NDST3: variants seen among roughly 807,000 people sequenced by gnomAD.
The protein encoded by NDST3 is N-deacetylase and N-sulfotransferase 3, also known as bifunctional heparan sulfate N-deacetylase/N-sulfotransferase 3.
NDST3 carries 58 observed loss-of-function variants against 96.1 expected under a neutral mutation model. The observed-to-expected ratio is 0.60, with a 90% CI of 0.49 to 0.75. The LOEUF is 0.75. Among genes scored for constraint, NDST3 ranks in the 30% least tolerant of loss-of-function variants. NDST3 has a pLI of 0.00. For synonymous variants in NDST3, 333 were observed against 359.7 expected, an observed-to-expected ratio of 0.93 and a Z score of 0.84; for missense variants, 788 against 1,034.2, an observed-to-expected ratio of 0.76 and a Z score of 3.27.
rs1276427551 is a variant in NDST3, at chr4:118,091,610, T to TA, written c.982-13407dup. Among the ~76,000 whole-genome samples, 7 of 151,830 alleles carry TA rather than the reference T, an allele frequency of 4.6e-5. No homozygotes were observed. The East Asian group carries it at 1.2e-3, about 25-fold the overall frequency. ...CTCTGACCCCAAGCAGAGGATTCTC[T>TA]ACTCAGGTTCTGGTGGCCAAACCTC... is the stretch of plus-strand genomic sequence containing the variant. On this transcript the variant is annotated intron_variant, in intron 2 of 13. Coordinates refer to ENST00000296499, the MANE Select transcript of NDST3 (RefSeq NM_004784.3).
rs369890336 is a variant in NDST3 at position 118,236,768 on chromosome 4, T to C, written c.1944-278T>C. ...TTTGATATAGTTAGGTCGATCACTG[T>C]TGCAGTTTGATCACTCTGTGTCTAC... On this transcript the variant is annotated intron_variant, in intron 9 of 13. Coordinates refer to ENST00000296499, the MANE Select transcript of NDST3 (RefSeq NM_004784.3). Among the ~76,000 whole-genome samples the C allele has an allele frequency of 1.8e-4, 27 of 152,354 alleles. 1 individual carries two copies. Among genetic ancestry groups the C allele is most frequent in the South Asian group, 1.7e-3 (8 of 4,822 alleles).
rs1018853000 is a variant in NDST3 at position 118,257,550 on chromosome 4, T to C, written c.*1838T>C. On this transcript the variant is annotated 3_prime_UTR_variant, in exon 14 of 14. Coordinates refer to ENST00000296499, the MANE Select transcript of NDST3 (RefSeq NM_004784.3). ...TATCAAAGGTATGATTAGAAACAAA[T>C]GGGAGGAAAACCCATAGTAAAAATA... 7 of 152,114 alleles carry C rather than the reference T, an allele frequency of 4.6e-5. No homozygotes were observed. The highest frequency in any genetic ancestry group is 1.9e-4 in the East Asian group (1 of 5,198). The allele number at this position is 152,114 out of a possible 1,614,324, so 9.4% of individuals were successfully genotyped here.
In NDST3 at chr4:118,257,754, A is replaced by C. The variant is rs561191295; in HGVS notation, c.*2042A>C. 6.6e-6 allele frequency: 1 copy of C among 152,180 alleles called. No homozygotes were observed. Among genetic ancestry groups the C allele is most frequent in the African/African-American group, 2.4e-5 (1 of 41,450 alleles). 9.4% of individuals were successfully genotyped at this position (152,180 alleles called of 1,614,324 possible). Reference sequence around the variant, plus strand: ...AGCAGAAAAAATTGGAAAAATCACCAATTTTTAAGACTCTTGACTCTAAAA... The same window carrying C: ...AGCAGAAAAAATTGGAAAAATCACCCATTTTTAAGACTCTTGACTCTAAAA... On this transcript the variant is annotated 3_prime_UTR_variant, in exon 14 of 14. Transcript: ENST00000296499.
intron 2 of NDST3, chr4:118,055,656 C>T (rs1249426527): frequency 2.0e-5 from 3 of 151,922 alleles, no homozygotes; most frequent in Admixed American, 1.3e-4. Flanking sequence ...AAGTTATCTA[C>T]ATTTGTCTTA....
At chr4:118,161,667 C>T (rs555947021) in intron 6 of NDST3, among the ~76,000 whole-genome samples, 4 of 152,104 alleles carry the variant, frequency 2.6e-5, no homozygotes, top group Non-Finnish European at 4.4e-5. Context: ...GGTGTAGGAC[C>T]CTCCGAGCCA....
rs10011099 is a variant in NDST3, at chr4:118,231,225, G to A, written c.1820-1787G>A. ...GTGGCAGGTGCCTGTAATCCCAGCTGCTTGTGAGGCTGAGGCATGAGAATC... is the reference window on the plus strand; with the variant it reads ...GTGGCAGGTGCCTGTAATCCCAGCTACTTGTGAGGCTGAGGCATGAGAATC... On this transcript the variant is annotated intron_variant, in intron 8 of 13. Coordinates refer to ENST00000296499, the MANE Select transcript of NDST3 (RefSeq NM_004784.3). Among the ~76,000 whole-genome samples, 57 of 151,664 alleles carry A rather than the reference G, an allele frequency of 3.8e-4. 1 individual carries two copies. Among genetic ancestry groups the A allele is most frequent in the African/African-American group, 1.3e-3 (55 of 41,426 alleles).
intron 3 of NDST3, among the ~76,000 whole-genome samples, chr4:118,112,080 A>G (rs916609322): frequency 2.0e-5 from 3 of 151,968 alleles, no homozygotes; most frequent in African/African-American, 7.2e-5. Flanking sequence ...ACAAATCTAT[A>G]AAGAGAAGAC....
chr4:118,078,369 G>C (rs1261338021), intron 2 of NDST3, among the ~76,000 whole-genome samples: 3 of 152,148 alleles, frequency 2.0e-5, no homozygotes, highest in Admixed American at 6.5e-5. Context: ...AGACTGAAAG[G>C]CTTCTCATCA....
intron 6 of NDST3, among the ~76,000 whole-genome samples, chr4:118,189,149 A>C (rs1287658581): frequency 6.6e-6 from 1 of 152,138 alleles, no homozygotes; most frequent in Non-Finnish European, 1.5e-5. Context: ...TCCCAGGCTC[A>C]AGTGACCCTC....
intron 12 of NDST3, among the ~76,000 whole-genome samples, chr4:118,246,623 A>G (rs1276986347): frequency 1.3e-5 from 2 of 152,146 alleles, no homozygotes; most frequent in African/African-American, 2.4e-5. Context: ...GAGAGAAAGA[A>G]AGAAAAAGAA....
At chr4:118,105,577 G>C (rs1730107562) in intron 3 of NDST3, among the ~76,000 whole-genome samples, 1 of 152,146 alleles carries the variant, frequency 6.6e-6, no homozygotes, top group Admixed American at 6.5e-5. Flanking sequence ...TCTGTATCCA[G>C]CTCATTTTGT....
intron 6 of NDST3, among the ~76,000 whole-genome samples, chr4:118,188,889 A>C (rs1737132338): frequency 1.3e-5 from 2 of 152,176 alleles, no homozygotes; most frequent in Admixed American, 1.3e-4. Flanking sequence ...AAATGACTTT[A>C]AATGGTCATA....
intron 9 of NDST3, among the ~76,000 whole-genome samples, chr4:118,235,718 A>C (rs1392532232): frequency 6.6e-6 from 1 of 152,214 alleles, no homozygotes; most frequent in Non-Finnish European, 1.5e-5. Flanking sequence ...AAGCATCCTG[A>C]AAGTTGGCAC....
chr4:118,093,894 G>C (rs1729084144), intron 2 of NDST3, among the ~76,000 whole-genome samples: 1 of 151,882 alleles, frequency 6.6e-6, no homozygotes, highest in Admixed American at 6.6e-5. Flanking sequence ...TCAGTGTCTA[G>C]TAAGGGTTAA....
rs78394341 is a variant in NDST3 at position 118,094,908 on chromosome 4, C to A, written c.982-10110C>A. Among the ~76,000 whole-genome samples the A allele has an allele frequency of 5.3e-5, 8 of 151,848 alleles. No homozygotes were observed. In the East Asian group the frequency reaches 1.6e-3, roughly 29 times the overall value. Reference sequence around the variant, plus strand: ...TCCAGGTATAGCGTGATAGGCTGAGCATTTATTTAAAAGAGGGTGGTCACA... The same window carrying A: ...TCCAGGTATAGCGTGATAGGCTGAGAATTTATTTAAAAGAGGGTGGTCACA... On this transcript the variant is annotated intron_variant, in intron 2 of 13. Transcript: ENST00000296499.
intron 12 of NDST3, among the ~76,000 whole-genome samples, chr4:118,243,494 G>A (rs1741131768): frequency 6.6e-6 from 1 of 152,090 alleles, no homozygotes; most frequent in African/African-American, 2.4e-5. Flanking sequence ...TCAGAGTTTT[G>A]TATAGCTTAG....
chr4:118,225,881 C>T lies in NDST3; in HGVS notation c.1723-1005C>T, dbSNP rs141461110. On this transcript the variant is annotated intron_variant, in intron 7 of 13. Transcript: ENST00000296499. The stretch of plus-strand genomic sequence containing the variant: ...AAGCATCTTTTCATTTTAACCACCA[C>T]GAAACATCACCAAATGTTAGCCAAT... 1.7e-3 allele frequency among the ~76,000 whole-genome samples: 257 copies of T among 152,200 alleles called. 1 individual carries two copies. The highest frequency in any genetic ancestry group is 1.4e-3 in the Non-Finnish European group (97 of 67,998).
At chr4:118,040,061 A>G (rs1724358477) in intron 1 of NDST3, among the ~76,000 whole-genome samples, 1 of 152,204 alleles carries the variant, frequency 6.6e-6, no homozygotes, top group Non-Finnish European at 1.5e-5. Flanking sequence ...AGTTGCTGCA[A>G]GTAAAAGAAG....
chr4:118,212,663 A>G (rs1264327471), intron 6 of NDST3, among the ~76,000 whole-genome samples: 1 of 152,130 alleles, frequency 6.6e-6, no homozygotes, highest in Non-Finnish European at 1.5e-5. Context: ...TACACCTTTA[A>G]AGTCTACCTG....
Sources: gnomAD v4.1 joint callset for allele counts (sites outside exome capture counted in the v4.1 genomes callset) on GRCh38, gnomAD v4.1.1 for gene constraint, MANE v1.5 for transcripts, NCBI Gene and HGNC (gene_info 2026-07-23, HGNC 2026-07-21) for gene names.